The following PPFIA2 variants were observed in gnomAD, a reference collection of about 807,000 sequenced individuals.
PPFIA2 encodes the protein liprin-alpha-2.
In PPFIA2, 46 loss-of-function variants were observed where a neutral mutation model predicts 175.5. The ratio of observed to expected loss-of-function variants is 0.26; its 90% CI spans 0.21 to 0.34. PPFIA2 has a LOEUF of 0.34. PPFIA2 is among the 10% of genes least tolerant of loss of function. The pLI is 1.00. For missense variants in PPFIA2, 1,179 were observed against 1,506.1 expected, an observed-to-expected ratio of 0.78 and a Z score of 3.60; for synonymous variants, 568 against 511.4, an observed-to-expected ratio of 1.11 and a Z score of -1.49.
At chr12:81,509,986 G>A (rs888016206) in intron 4 of PPFIA2, among the ~76,000 whole-genome samples, 1 of 152,086 alleles carries the variant, frequency 6.6e-6, no homozygotes, top group Non-Finnish European at 1.5e-5. Flanking sequence ...AAAGATAAAA[G>A]CAACCTCACC....
At chr12:81,723,439 T>C (rs1278400585) in intron 3 of PPFIA2, among the ~76,000 whole-genome samples, 1 of 150,998 alleles carries the variant, frequency 6.6e-6, no homozygotes, top group Non-Finnish European at 1.5e-5. Flanking sequence ...TGAACTTTCT[T>C]AAGATTCATG....
intron 3 of PPFIA2, among the ~76,000 whole-genome samples, chr12:81,681,838 C>T (rs896011336): frequency 1.3e-5 from 2 of 151,870 alleles, no homozygotes; most frequent in Non-Finnish European, 2.9e-5. Flanking sequence ...AATAATTTGG[C>T]TATCGAATAC....
chr12:81,279,943 G>A (rs1164817681), intron 27 of PPFIA2, among the ~76,000 whole-genome samples: 2 of 152,112 alleles, frequency 1.3e-5, no homozygotes, highest in Non-Finnish European at 2.9e-5. Context: ...AAAATGAGGT[G>A]CTCAACAGAG....
Position 81,339,269 on chromosome 12 carries a change from G to C in PPFIA2, c.2459C>G (p.Ser820Cys). The C allele has an allele frequency of 1.2e-6, 2 of 1,610,990 alleles. No homozygotes were observed. The highest frequency in any genetic ancestry group is 1.7e-6 in the Non-Finnish European group (2 of 1,178,316). Residue 820 changes from serine to cysteine, a missense_variant, in exon 21 of 33, where the codon TCT (serine) becomes TGT (cysteine). Physicochemically the swap from Ser to Cys is moderately radical, Grantham distance 112. Coordinates refer to ENST00000549396, the MANE Select transcript of PPFIA2 (RefSeq NM_003625.5). ...TTTCTTCTTGGGGGCTTTGTGAAGA[G>C]AGTCTTGGCTGCTGTTGGCACTACC... is the stretch of plus-strand genomic sequence containing the variant. ...GLGSANSSQD[S>C]LHKAPKKKGI...
intron 8 of PPFIA2, 34 bp from the exon 9 acceptor site, chr12:81,384,278 A>T (rs2142004321): frequency 7.7e-7 from 1 of 1,296,632 alleles, no homozygotes; most frequent in Non-Finnish European, 1.0e-6. Context: ...GCACTTAAGA[A>T]TTTTCATCTT....
At chr12:81,385,469 C>T (rs577921598) in intron 8 of PPFIA2, among the ~76,000 whole-genome samples, 37 of 152,186 alleles carry the variant, frequency 2.4e-4, no homozygotes, top group African/African-American at 4.1e-4. Context: ...TGTCTATCAA[C>T]GGATGAATGG....
chr12:81,329,229 C>A (rs2055560767), intron 21 of PPFIA2, among the ~76,000 whole-genome samples: 1 of 152,080 alleles, frequency 6.6e-6, no homozygotes, highest in Non-Finnish European at 1.5e-5. Context: ...TGAACTCCAC[C>A]CCTTTCATGG....
chr12:81,499,083 A>C (rs1272028531), intron 4 of PPFIA2, among the ~76,000 whole-genome samples: 1 of 152,368 alleles, frequency 6.6e-6, no homozygotes, highest in South Asian at 2.1e-4. Context: ...GGGTGCTGCA[A>C]GAATGTCAAT....
chr12:81,341,317 T>C (rs957496765), intron 19 of PPFIA2, 109 bp from the exon 20 acceptor site: 5 of 1,106,238 alleles, frequency 4.5e-6, no homozygotes, highest in Non-Finnish European at 6.2e-6. Flanking sequence ...TAATACAAAA[T>C]AAAACAACAA....
chr12:81,370,329 A>G (rs534096290), intron 11 of PPFIA2, among the ~76,000 whole-genome samples: 1 of 151,932 alleles, frequency 6.6e-6, no homozygotes, highest in Admixed American at 6.6e-5. Context: ...CTCTGAATGC[A>G]CACTATGGTC....
intron 3 of PPFIA2, among the ~76,000 whole-genome samples, chr12:81,700,241 T>C (rs1309098985): frequency 6.6e-6 from 1 of 152,062 alleles, no homozygotes; most frequent in Non-Finnish European, 1.5e-5. Flanking sequence ...TAAACCTTTA[T>C]CTCTTCTAGT....
intron 4 of PPFIA2, among the ~76,000 whole-genome samples, chr12:81,498,383 T>A (rs1468821875): frequency 3.3e-5 from 5 of 152,202 alleles, no homozygotes; most frequent in Non-Finnish European, 5.9e-5. Context: ...TCATCTAATT[T>A]GTGACAATTT....
chr12:81,437,557 A>G (rs186985784), intron 7 of PPFIA2, among the ~76,000 whole-genome samples: 1 of 152,134 alleles, frequency 6.6e-6, no homozygotes, highest in East Asian at 1.9e-4. Context: ...ATTTCAGCTT[A>G]CTTTAGCCAA....
chr12:81,670,181 A>G (rs916948047), intron 4 of PPFIA2, among the ~76,000 whole-genome samples: 2 of 151,920 alleles, frequency 1.3e-5, no homozygotes, highest in East Asian at 3.9e-4. Context: ...ATACAAGTGG[A>G]CATGTCAAAT....
At chr12:81,554,141 A>G (rs531427740) in intron 4 of PPFIA2, among the ~76,000 whole-genome samples, 1 of 152,182 alleles carries the variant, frequency 6.6e-6, no homozygotes, top group Admixed American at 6.6e-5. Flanking sequence ...TAATTGAAGT[A>G]AAAATGATAA....
chr12:81,675,245 T>C (rs1376557695), intron 4 of PPFIA2, among the ~76,000 whole-genome samples: 2 of 151,184 alleles, frequency 1.3e-5, no homozygotes, highest in African/African-American at 4.8e-5. Flanking sequence ...GAGAGAGAGA[T>C]AAAGTTGTAT....
At chr12:81,437,241 T>A (rs2049226265) in intron 7 of PPFIA2, among the ~76,000 whole-genome samples, 1 of 152,158 alleles carries the variant, frequency 6.6e-6, no homozygotes, top group Admixed American at 6.6e-5. Context: ...TTTCAGAGCC[T>A]CACTTTGAGA....
chr12:81,720,034 G>A (rs1289448678), intron 3 of PPFIA2, among the ~76,000 whole-genome samples: 1 of 147,746 alleles, frequency 6.8e-6, no homozygotes, highest in East Asian at 2.0e-4. Flanking sequence ...TGCATTTAGA[G>A]TTAGTAAATT....
intron 4 of PPFIA2, among the ~76,000 whole-genome samples, chr12:81,525,311 T>C (rs2063609448): frequency 6.6e-6 from 1 of 152,144 alleles, no homozygotes; most frequent in Non-Finnish European, 1.5e-5. Flanking sequence ...GGTGAAAAGA[T>C]TTTTGCACAT....
Sources: gnomAD v4.1 joint callset for allele counts (sites outside exome capture counted in the v4.1 genomes callset) on GRCh38, gnomAD v4.1.1 for gene constraint, MANE v1.5 for transcripts, NCBI Gene and HGNC (gene_info 2026-07-23, HGNC 2026-07-21) for gene names.